Variants in CACNA2D4 observed in about 807,000 individuals in gnomAD.
CACNA2D4 encodes the protein calcium voltage-gated channel auxiliary subunit alpha2delta 4.
CACNA2D4 carries 157 observed loss-of-function variants against 163.8 expected under a neutral mutation model. That is an observed-to-expected ratio of 0.96 (90% CI 0.84 to 1.09). The LOEUF (loss-of-function observed/expected upper bound fraction) is 1.09. Among genes scored for constraint, CACNA2D4 ranks in the 50% least tolerant of loss-of-function variants. The probability of loss-of-function intolerance (pLI) is 0.00; values close to 1 mark genes in which losing one functional copy is unlikely to be tolerated. For missense variants in CACNA2D4, 1,410 were observed against 1,479.9 expected (o/e 0.95, Z 0.78); for synonymous variants, 598 against 586.9 (o/e 1.02, Z -0.27).
rs1049725885 is a variant in CACNA2D4 at position 1,829,832 on chromosome 12, G to T, written c.2551+10907C>A. 6.6e-6 allele frequency among the ~76,000 whole-genome samples: 1 copy of T among 151,970 alleles called. No homozygotes were observed. The highest frequency in any genetic ancestry group is 1.5e-5 in the Non-Finnish European group (1 of 67,962). ...GCTGGGTGGAACTGACCTCGGCTGG[G>T]CTGACCTGGTGGGGCTGAACTATTT... is the stretch of plus-strand genomic sequence containing the variant. On this transcript the variant is annotated intron_variant, in intron 26 of 37. Transcript: ENST00000382722. This position sits in a 1 kb window ranked among gnomAD's most constrained non-coding sequence, Gnocchi z 4.2.
chr12:1,810,371 C>T, intron 28 of CACNA2D4, 31 bp from the exon 29 acceptor site: 1 of 1,605,758 alleles, frequency 6.2e-7, no homozygotes, highest in Non-Finnish European at 8.5e-7. Context: ...GAGGTTATGC[C>T]AGGGCCCTCA....
chr12:1,875,204 G>A lies in CACNA2D4; in HGVS notation c.1806+47C>T. 1.5e-6 allele frequency: 2 copies of A among 1,345,214 alleles called. No homozygotes were observed. Among genetic ancestry groups the A allele is most frequent in the Non-Finnish European group, 1.1e-6 (1 of 935,428 alleles). The allele number at this position is 1,345,214 out of a possible 1,614,324, so 83.3% of individuals were successfully genotyped here. ...GCCACACAGCTGACCCATTTAGTTG[G>A]ATGTAGAGCCTAACTAGCTTCCCTT... On this transcript the variant is annotated intron_variant, in intron 17 of 37. Coordinates refer to ENST00000382722, the MANE Select transcript of CACNA2D4 (RefSeq NM_172364.5). The surrounding 1 kb of genome is among the most constrained non-coding windows in gnomAD (Gnocchi z 4.0).
Position 1,906,527 on chromosome 12 carries a change from T to A in CACNA2D4, c.781+913A>T, listed in dbSNP as rs1050813041. ...GAAATGGCCTCTCTCTACTGACTGATGCGTTCACATCTGGACTGTGTTGTT... is the reference window on the plus strand; with the variant it reads ...GAAATGGCCTCTCTCTACTGACTGAAGCGTTCACATCTGGACTGTGTTGTT... On this transcript the variant is annotated intron_variant, in intron 6 of 37. Coordinates refer to ENST00000382722, the MANE Select transcript of CACNA2D4 (RefSeq NM_172364.5). Among the ~76,000 whole-genome samples the A allele has an allele frequency of 4.6e-5, 7 of 152,352 alleles. No individual in the cohort carries two copies. In the South Asian group the frequency reaches 1.5e-3, roughly 32 times the overall value.
intron 26 of CACNA2D4, among the ~76,000 whole-genome samples, chr12:1,838,658 C>T (rs1024946291): frequency 6.6e-6 from 1 of 152,208 alleles, no homozygotes; most frequent in African/African-American, 2.4e-5. Flanking sequence ...ATGGCAACCC[C>T]TCTCGGCTCT....
chr12:1,813,558 A>G (rs560061804), intron 26 of CACNA2D4, among the ~76,000 whole-genome samples: 2 of 152,332 alleles, frequency 1.3e-5, no homozygotes, highest in Admixed American at 1.3e-4. Flanking sequence ...ATAGCCACGT[A>G]TGGTTGGTGG....
intron 23 of CACNA2D4, 31 bp from the exon 24 acceptor site, chr12:1,846,720 C>T (rs773309960): frequency 7.7e-5 from 119 of 1,552,434 alleles, no homozygotes; most frequent in Non-Finnish European, 1.0e-4. Flanking sequence ...GAATGGTCAC[C>T]ACATGGCTGT....
intron 37 of CACNA2D4, 44 bp downstream of exon 37, chr12:1,795,254 TG>T: frequency 6.4e-7 from 1 of 1,559,946 alleles, no homozygotes; most frequent in Non-Finnish European, 8.8e-7. Flanking sequence ...ACAGAGGGTT[TG>T]GGGATGAAAA....
intron 13 of CACNA2D4, among the ~76,000 whole-genome samples, chr12:1,881,748 C>T (rs1866004867): frequency 6.6e-6 from 1 of 152,256 alleles, no homozygotes; most frequent in Non-Finnish European, 1.5e-5. Flanking sequence ...CTCGTCTCTT[C>T]TCAGCAGCAG....
At chr12:1,865,158 C>A (rs1865617984) in intron 18 of CACNA2D4, among the ~76,000 whole-genome samples, 1 of 152,198 alleles carries the variant, frequency 6.6e-6, no homozygotes, top group Non-Finnish European at 1.5e-5. Context: ...CTCTCGGCGC[C>A]GTGGCGGGGA....
chr12:1,909,201 T>C (rs1212314402), intron 4 of CACNA2D4, among the ~76,000 whole-genome samples: 1 of 150,648 alleles, frequency 6.6e-6, no homozygotes, highest in Non-Finnish European at 1.5e-5. Flanking sequence ...TTTATTTATT[T>C]ATTTATTTGA....
intron 14 of CACNA2D4, 34 bp downstream of exon 14, chr12:1,879,770 C>T (rs765488274): frequency 3.3e-6 from 5 of 1,537,278 alleles, no homozygotes; most frequent in Non-Finnish European, 4.4e-6. Context: ...AGGTTCTAAT[C>T]CCTGCTACAA....
intron 4 of CACNA2D4, among the ~76,000 whole-genome samples, chr12:1,909,262 G>A (rs899846886): frequency 1.3e-5 from 2 of 152,356 alleles, no homozygotes; most frequent in East Asian, 1.9e-4. Flanking sequence ...CGCGATCTCG[G>A]CTCACTGCAA....
At chr12:1,850,186 A>G (rs1330318732) in intron 23 of CACNA2D4, among the ~76,000 whole-genome samples, 1 of 152,214 alleles carries the variant, frequency 6.6e-6, no homozygotes, top group Non-Finnish European at 1.5e-5. Context: ...TTCGTATCCC[A>G]CCCACAATCT....
At position 1,828,673 on chromosome 12, in the gene CACNA2D4, G is replaced by A. The variant is rs553712015; in HGVS notation, c.2551+12066C>T. On this transcript the variant is annotated intron_variant, in intron 26 of 37. Transcript: ENST00000382722. The surrounding 1 kb of genome is among the most constrained non-coding windows in gnomAD (Gnocchi z 4.2). Reference sequence around the variant, plus strand: ...CCAGGAGCTGGGTCAGCTTGGAGATGTCTCTTATGCTCCTTATGCCTCCGC... The same window carrying A: ...CCAGGAGCTGGGTCAGCTTGGAGATATCTCTTATGCTCCTTATGCCTCCGC... 6.6e-6 allele frequency among the ~76,000 whole-genome samples: 1 copy of A among 152,206 alleles called. No individual in the cohort carries two copies. The highest frequency in any genetic ancestry group is 6.5e-5 in the Admixed American group (1 of 15,286).
In CACNA2D4 at chr12:1,798,547, C is replaced by A. The variant is rs923670087; in HGVS notation, c.2996-1012G>T. On this transcript the variant is annotated intron_variant, in intron 34 of 37. Coordinates refer to ENST00000382722, the MANE Select transcript of CACNA2D4 (RefSeq NM_172364.5). This position sits in a 1 kb window ranked among gnomAD's most constrained non-coding sequence, Gnocchi z 4.3. ...TGAGTTTTGTCCCCAGGGCTGGGCACAGAAGCCTGCCTGACAATGGCAGGG... is the reference window on the plus strand; with the variant it reads ...TGAGTTTTGTCCCCAGGGCTGGGCAAAGAAGCCTGCCTGACAATGGCAGGG... 6.6e-6 allele frequency among the ~76,000 whole-genome samples: 1 copy of A among 151,940 alleles called. No homozygotes were observed. Among genetic ancestry groups the A allele is most frequent in the Non-Finnish European group, 1.5e-5 (1 of 67,962 alleles).
At chr12:1,813,686 C>T (rs879429908) in intron 26 of CACNA2D4, among the ~76,000 whole-genome samples, 15 of 152,122 alleles carry the variant, frequency 9.9e-5, no homozygotes, top group East Asian at 1.9e-4. Context: ...GGTGGTGCTC[C>T]GGCTGGCTGG....
rs1223888337 is a variant in CACNA2D4 at position 1,886,440 on chromosome 12, G to T, written c.843-67C>A. 14 of 1,476,204 alleles carry T rather than the reference G, an allele frequency of 9.5e-6. 1 individual carries two copies. Among genetic ancestry groups the T allele is most frequent in the South Asian group, 6.2e-5 (5 of 80,710 alleles). The allele number at this position is 1,476,204 out of a possible 1,614,324, so 91.4% of individuals were successfully genotyped here. Reference sequence around the variant, plus strand: ...GCCGGAACCAATACCTGACCAAGGGGTCTGCAGTTATTTCTGTTCAGATGC... The same window carrying T: ...GCCGGAACCAATACCTGACCAAGGGTTCTGCAGTTATTTCTGTTCAGATGC... On this transcript the variant is annotated intron_variant, in intron 7 of 37. Coordinates refer to ENST00000382722, the MANE Select transcript of CACNA2D4 (RefSeq NM_172364.5).
chr12:1,859,168 G>A (rs1165144867), intron 19 of CACNA2D4, among the ~76,000 whole-genome samples: 1 of 152,142 alleles, frequency 6.6e-6, no homozygotes, highest in Non-Finnish European at 1.5e-5. Flanking sequence ...GGGCAACACA[G>A]CGAGACCCCA....
chr12:1,881,600 G>A (rs1252333533), intron 13 of CACNA2D4, among the ~76,000 whole-genome samples: 1 of 152,212 alleles, frequency 6.6e-6, no homozygotes, highest in Non-Finnish European at 1.5e-5. Context: ...AGGTGCCAGG[G>A]TTCACAGGAA....
Sources: allele counts gnomAD v4.1 joint callset (sites outside exome capture counted in the v4.1 genomes callset), GRCh38; gene constraint gnomAD v4.1.1; non-coding constraint Gnocchi (gnomAD v3.1); transcripts MANE v1.5; gene names NCBI Gene and HGNC (gene_info 2026-07-23, HGNC 2026-07-21).